The following CARS1 variants were observed in gnomAD, a reference collection of about 807,000 sequenced individuals.
CARS1 encodes the protein cysteine--tRNA ligase, cytoplasmic.
In CARS1, 48 loss-of-function variants were observed where a neutral mutation model predicts 106.2. The ratio of observed to expected loss-of-function variants is 0.45; its 90% confidence interval spans 0.36 to 0.57. The LOEUF is 0.57. Ranked by LOEUF, CARS1 falls within the 20% of genes least tolerant of loss-of-function variation. CARS1 has a pLI of 0.00. For missense variants in CARS1, 968 were observed against 1,057.2 expected, an observed-to-expected ratio of 0.92 and a Z score of 1.17; for synonymous variants, 409 against 403.4, an observed-to-expected ratio of 1.01 and a Z score of -0.17.
Position 3,052,182 on chromosome 11 carries a change from G to T in CARS1, c.26-4181C>A, listed in dbSNP as rs1855763485. 1.3e-5 allele frequency among the ~76,000 whole-genome samples: 2 copies of T among 152,282 alleles called. No individual in the cohort carries two copies. Among genetic ancestry groups the T allele is most frequent in the Non-Finnish European group, 2.9e-5 (2 of 68,048 alleles). ...AAGCAGTCTGGGAACTGAAGCCGCT[G>T]TGTATCCGCTCTCTGGAGACCTGAG... is the stretch of plus-strand genomic sequence containing the variant. On this transcript the variant is annotated intron_variant, in intron 1 of 22. Coordinates refer to ENST00000380525, the MANE Select transcript of CARS1 (RefSeq NM_001014437.3). The surrounding 1 kb of genome is among the most constrained non-coding windows in gnomAD (Gnocchi z 4.6).
chr11:3,047,274 CTCA>C (rs1855192108), intron 2 of CARS1, among the ~76,000 whole-genome samples: 1 of 105,848 alleles, frequency 9.4e-6, no homozygotes. Context: ...GAGACTCCAT[CTCA>C]AAAAAAAAAA....
At chr11:3,002,237 C>G (rs1849460024) in intron 21 of CARS1, 184 bp from the exon 22 acceptor site, 1 of 659,690 alleles carries the variant, frequency 1.5e-6, no homozygotes, top group Non-Finnish European at 2.7e-6. Flanking sequence ...TAAAATTAAA[C>G]CAGATGTTAT....
Position 3,048,126 on chromosome 11 carries a change from C to T in CARS1, c.26-125G>A. 2.5e-6 allele frequency: 3 copies of T among 1,191,384 alleles called. No individual in the cohort carries two copies. The highest frequency in any genetic ancestry group is 3.5e-6 in the Non-Finnish European group (3 of 866,082). 73.8% of individuals were successfully genotyped at this position (1,191,384 alleles called of 1,614,324 possible). On this transcript the variant is annotated intron_variant, in intron 1 of 22. Coordinates refer to ENST00000380525, the MANE Select transcript of CARS1 (RefSeq NM_001014437.3). This position sits in a 1 kb window ranked among gnomAD's most constrained non-coding sequence, Gnocchi z 5.1. ...AGGTGTTCAAGCCCTTCCCTGGACG[C>T]CAAACATCCAGAACAGGCAAAGGCA...
Position 3,021,817 on chromosome 11 carries a change from C to T in CARS1, c.1154-1485G>A, listed in dbSNP as rs557759336. 1.3e-5 allele frequency among the ~76,000 whole-genome samples: 2 copies of T among 152,316 alleles called. No individual in the cohort carries two copies. Among genetic ancestry groups the T allele is most frequent in the Admixed American group, 6.5e-5 (1 of 15,306 alleles). Reference sequence around the variant, plus strand: ...TTCCTTCTACCTCCGCACTGTTCTGCCACTGACAATTCCGCAAAAGCACAA... The same window carrying T: ...TTCCTTCTACCTCCGCACTGTTCTGTCACTGACAATTCCGCAAAAGCACAA... On this transcript the variant is annotated intron_variant, in intron 10 of 22. Transcript: ENST00000380525. This position sits in a 1 kb window ranked among gnomAD's most constrained non-coding sequence, Gnocchi z 5.3.
At chr11:3,025,801 T>C (rs1388772976) in intron 10 of CARS1, among the ~76,000 whole-genome samples, 1 of 152,148 alleles carries the variant, frequency 6.6e-6, no homozygotes, top group Non-Finnish European at 1.5e-5. Context: ...AAGTCTGATA[T>C]CTGTGTTTGA....
At position 3,048,820 on chromosome 11, in the gene CARS1, ACCTGGCC is replaced by A. The variant is rs927910270; in HGVS notation, c.26-826_26-820del. Among the ~76,000 whole-genome samples, 4 of 152,172 alleles carry A rather than the reference ACCTGGCC, an allele frequency of 2.6e-5. No homozygotes were observed. The highest frequency in any genetic ancestry group is 9.7e-5 in the African/African-American group (4 of 41,448). The stretch of plus-strand genomic sequence containing the variant: ...AAATGTGGCTGCTCCAGCCAGCCTC[ACCTGGCC>A]CCTGGCCCCTGGCCCCAGGCCCCAG... On this transcript the variant is annotated intron_variant, in intron 1 of 22. Coordinates refer to ENST00000380525, the MANE Select transcript of CARS1 (RefSeq NM_001014437.3). This position sits in a 1 kb window ranked among gnomAD's most constrained non-coding sequence, Gnocchi z 5.1.
At chr11:3,032,778 G>C (rs1340817610) in intron 7 of CARS1, among the ~76,000 whole-genome samples, 1 of 151,654 alleles carries the variant, frequency 6.6e-6, no homozygotes, top group Non-Finnish European at 1.5e-5. Context: ...CTGGAGCACA[G>C]AGGATGTTCA....
rs751635635 is a variant in CARS1, at chr11:3,019,949, A to C, written c.1266+271T>G. ...TCAGAGTCACAGAACACAAGAACCA[A>C]GAAGCCTCCATGGACGTCTACTCTG... is the stretch of plus-strand genomic sequence containing the variant. On this transcript the variant is annotated intron_variant, in intron 11 of 22. Coordinates refer to ENST00000380525, the MANE Select transcript of CARS1 (RefSeq NM_001014437.3). The surrounding 1 kb of genome is among the most constrained non-coding windows in gnomAD (Gnocchi z 6.2). Among the ~76,000 whole-genome samples the C allele has an allele frequency of 6.6e-6, 1 of 152,176 alleles. No individual in the cohort carries two copies. Among genetic ancestry groups the C allele is most frequent in the Non-Finnish European group, 1.5e-5 (1 of 68,022 alleles).
chr11:3,048,087 A>G lies in CARS1; in HGVS notation c.26-86T>C. ...AAAGACAGGGACTAGGGGATGGCACAGAACCAAGGAAAAAGGTGTTCAAGC... is the reference window on the plus strand; with the variant it reads ...AAAGACAGGGACTAGGGGATGGCACGGAACCAAGGAAAAAGGTGTTCAAGC... On this transcript the variant is annotated intron_variant, in intron 1 of 22. Transcript: ENST00000380525. The surrounding 1 kb of genome is among the most constrained non-coding windows in gnomAD (Gnocchi z 5.1). 1.3e-6 allele frequency: 2 copies of G among 1,507,646 alleles called. No homozygotes were observed. Among genetic ancestry groups the G allele is most frequent in the Non-Finnish European group, 1.8e-6 (2 of 1,118,434 alleles). The allele number at this position is 1,507,646 out of a possible 1,614,324, so 93.4% of individuals were successfully genotyped here. A position where few individuals can be genotyped will look rare whatever the true frequency, so the allele number is the denominator to read the frequency against.
chr11:3,048,999 G>A lies in CARS1; in HGVS notation c.26-998C>T, dbSNP rs1194510239. On this transcript the variant is annotated intron_variant, in intron 1 of 22. Transcript: ENST00000380525. This position sits in a 1 kb window ranked among gnomAD's most constrained non-coding sequence, Gnocchi z 5.1. The stretch of plus-strand genomic sequence containing the variant: ...TTTCACCACTGCCAGCTGTAGACAA[G>A]GCCGCCTTGACACATGCACGCTGAC... 7.9e-5 allele frequency among the ~76,000 whole-genome samples: 12 copies of A among 152,350 alleles called. No homozygotes were observed. In the East Asian group the frequency reaches 2.1e-3, roughly 27 times the overall value.
intron 1 of CARS1, chr11:3,054,953 CCTCAGAAAT>C (rs965835015): frequency 1.4e-6 from 1 of 702,508 alleles, no homozygotes; most frequent in African/African-American, 1.7e-5. Context: ...ACCCCAGAAA[CCTCAGAAAT>C]GAAACTCATC....
At position 3,019,964 on chromosome 11, in the gene CARS1, C is replaced by T. The variant is rs531374862; in HGVS notation, c.1266+256G>A. ...ACAAGAACCAAGAAGCCTCCATGGA[C>T]GTCTACTCTGATCACATCTCCACTT... On this transcript the variant is annotated intron_variant, in intron 11 of 22. Coordinates refer to ENST00000380525, the MANE Select transcript of CARS1 (RefSeq NM_001014437.3). The surrounding 1 kb of genome is among the most constrained non-coding windows in gnomAD (Gnocchi z 6.2). 5.3e-5 allele frequency among the ~76,000 whole-genome samples: 8 copies of T among 152,308 alleles called. No individual in the cohort carries two copies. The South Asian group carries it at 1.2e-3, about 24-fold the overall frequency.
intron 7 of CARS1, chr11:3,031,250 A>C (rs949329816): frequency 5.3e-5 from 8 of 152,230 alleles, no homozygotes; most frequent in African/African-American, 1.9e-4. Flanking sequence ...CCTGATAGAA[A>C]AGACATATTT....
rs1238301697 is a variant in CARS1 at position 3,022,530 on chromosome 11, C to T, written c.1154-2198G>A. ...AACCCCTGGTATCCCGGTATACTGA[C>T]TCGCTGTGCATTGGGCAACAGACCT... On this transcript the variant is annotated intron_variant, in intron 10 of 22. Transcript: ENST00000380525. This position sits in a 1 kb window ranked among gnomAD's most constrained non-coding sequence, Gnocchi z 4.9. 6.6e-6 allele frequency among the ~76,000 whole-genome samples: 1 copy of T among 152,234 alleles called. No homozygotes were observed. The highest frequency in any genetic ancestry group is 1.5e-5 in the Non-Finnish European group (1 of 68,046).
At position 3,015,793 on chromosome 11, in the gene CARS1, T is replaced by A; in HGVS notation, c.1974A>T (p.Gly658=). The A allele has an allele frequency of 6.2e-7, 1 of 1,614,106 alleles. No homozygotes were observed. The highest frequency in any genetic ancestry group is 8.5e-7 in the Non-Finnish European group (1 of 1,180,006). Residue 658 remains glycine (G), a synonymous_variant, in exon 17 of 23, where the codon GGA becomes GGT. Coordinates refer to ENST00000380525, the MANE Select transcript of CARS1 (RefSeq NM_001014437.3). The part of the protein sequence containing the change: ...SSLGFPVGGP[G]TSLSLEATVM... ...GCATGCTACTCACACTGAGGCTGGT[T>A]CCAGGCCCTCCGACCGGGAATCCCA...
rs1319470361 is a variant in CARS1 at position 3,022,455 on chromosome 11, C to T, written c.1154-2123G>A. Among the ~76,000 whole-genome samples the T allele has an allele frequency of 6.6e-6, 1 of 152,168 alleles. No individual in the cohort carries two copies. The highest frequency in any genetic ancestry group is 1.5e-5 in the Non-Finnish European group (1 of 68,030). The stretch of plus-strand genomic sequence containing the variant: ...TCTCAGGGAGGCGGATCTGAGGTTT[C>T]CTCCCATCTCCATTTGTCCACCATA... On this transcript the variant is annotated intron_variant, in intron 10 of 22. Coordinates refer to ENST00000380525, the MANE Select transcript of CARS1 (RefSeq NM_001014437.3). This position sits in a 1 kb window ranked among gnomAD's most constrained non-coding sequence, Gnocchi z 4.9.
At chr11:3,036,053 C>G (rs1185823514) in intron 7 of CARS1, among the ~76,000 whole-genome samples, 2 of 152,226 alleles carry the variant, frequency 1.3e-5, no homozygotes, top group East Asian at 3.9e-4. Flanking sequence ...GCAGAGGGTG[C>G]CTATGTGATG....
chr11:3,041,345 T>A lies in CARS1; in HGVS notation c.367-361A>T. ...ACCATGTGCCAGGCCCTGAGCTAAA[T>A]ATTCAATATGCAGTACACTCTAGGA... On this transcript the variant is annotated intron_variant, in intron 3 of 22. Coordinates refer to ENST00000380525, the MANE Select transcript of CARS1 (RefSeq NM_001014437.3). This position sits in a 1 kb window ranked among gnomAD's most constrained non-coding sequence, Gnocchi z 4.9. The A allele has an allele frequency of 3.7e-6, 1 of 269,844 alleles. No individual in the cohort carries two copies. 16.7% of individuals were successfully genotyped at this position (269,844 alleles called of 1,614,324 possible).
rs1335755387 is a variant in CARS1 at position 3,004,514 on chromosome 11, G to C, written c.2217+852C>G. On this transcript the variant is annotated intron_variant, in intron 20 of 22. Transcript: ENST00000380525. The surrounding 1 kb of genome is among the most constrained non-coding windows in gnomAD (Gnocchi z 5.2). ...GGTCTCCTGCTTTAAGCCTCTTGGG[G>C]ACCCACCTGCTGGTGGCAACAGCCC... Among the ~76,000 whole-genome samples the C allele has an allele frequency of 6.6e-6, 1 of 152,204 alleles. No individual in the cohort carries two copies. Among genetic ancestry groups the C allele is most frequent in the East Asian group, 1.9e-4 (1 of 5,190 alleles).
Sources: allele counts gnomAD v4.1 joint callset (sites outside exome capture counted in the v4.1 genomes callset), GRCh38; gene constraint gnomAD v4.1.1; non-coding constraint Gnocchi (gnomAD v3.1); transcripts MANE v1.5; gene names NCBI Gene and HGNC (gene_info 2026-07-23, HGNC 2026-07-21).